The following PCDHA5 variants were observed in gnomAD, a reference collection of about 807,000 sequenced individuals.
PCDHA5 encodes the protein protocadherin alpha 5.
PCDHA5 carries 43 observed loss-of-function variants against 61.6 expected under a neutral mutation model. The ratio of observed to expected loss-of-function variants is 0.70; its 90% CI spans 0.55 to 0.90. The LOEUF (loss-of-function observed/expected upper bound fraction) is 0.90, where lower values mean the gene tolerates loss of function less well. Ranked by LOEUF, PCDHA5 falls within the 40% of genes least tolerant of loss-of-function variation. The probability of loss-of-function intolerance (pLI) is 0.00; values close to 1 mark genes in which losing one functional copy is unlikely to be tolerated. For synonymous variants in PCDHA5, 627 were observed against 543.9 expected, an observed-to-expected ratio of 1.15 and a Z score of -2.13; for missense variants, 1,298 against 1,222.7, an observed-to-expected ratio of 1.06 and a Z score of -0.92.
intron 3 of PCDHA5, among the ~76,000 whole-genome samples, chr5:140,984,583 T>C (rs2097109355): frequency 6.6e-6 from 1 of 152,200 alleles, no homozygotes; most frequent in South Asian, 2.1e-4. Context: ...AACCTAATCA[T>C]ACTTTTCAAT....
intron 1 of PCDHA5, among the ~76,000 whole-genome samples, chr5:140,907,826 C>T (rs1448630927): frequency 6.6e-6 from 1 of 152,192 alleles, no homozygotes; most frequent in Non-Finnish European, 1.5e-5. Context: ...TCATCCTATC[C>T]ACTTGTTTAT....
At position 140,823,068 on chromosome 5, in the gene PCDHA5, G is replaced by T. The variant is rs2150121914; in HGVS notation, c.1293G>T (p.Ser431=). Residue 431 remains serine, a synonymous_variant, in exon 1 of 4, where the codon TCG becomes TCT. Coordinates refer to ENST00000529859, the MANE Select transcript of PCDHA5 (RefSeq NM_018908.3). ...TGGTGACCGCGCGGGACGGGGGCTC[G>T]CCTTCGCTGTGGGCCACCGCCAGCG... ...ELVVTARDGG[S]PSLWATASVS... is the part of the protein sequence containing the mutation. 5 of 1,614,034 alleles carry T rather than the reference G, an allele frequency of 3.1e-6. No individual in the cohort carries two copies. The highest frequency in any genetic ancestry group is 1.1e-5 in the South Asian group (1 of 91,070).
At position 140,848,735 on chromosome 5, in the gene PCDHA5, G is replaced by A. The variant is rs141612292; in HGVS notation, c.2352+24608G>A. On this transcript the variant is annotated intron_variant, in intron 1 of 3. Transcript: ENST00000529859. ...GGGACCTTCTGGAGGTAAATCTGCA[G>A]AATGGCATTTTGTTTGTGAATTCTC... 5.7e-6 allele frequency: 9 copies of A among 1,592,880 alleles called. No homozygotes were observed. In the African/African-American group the frequency reaches 1.1e-4, roughly 19 times the overall value.
At chr5:140,929,400 A>G (rs915139377) in intron 1 of PCDHA5, 5 of 1,509,110 alleles carry the variant, frequency 3.3e-6, no homozygotes, top group African/African-American at 2.8e-5. Flanking sequence ...TATTTCTTAG[A>G]CAAGCCTTTC....
chr5:140,959,729 C>T (rs910806194), intron 1 of PCDHA5, among the ~76,000 whole-genome samples: 3 of 152,126 alleles, frequency 2.0e-5, no homozygotes, highest in South Asian at 4.1e-4. Context: ...ATAACATTAT[C>T]TCATCAAAAT....
At chr5:140,941,563 C>T (rs2093116700) in intron 1 of PCDHA5, among the ~76,000 whole-genome samples, 1 of 151,946 alleles carries the variant, frequency 6.6e-6, no homozygotes, top group Admixed American at 6.6e-5. Context: ...GATCCATTCG[C>T]CTCAGCCTCC....
At chr5:140,967,479 C>T (rs782390272) in intron 1 of PCDHA5, 7 of 1,613,262 alleles carry the variant, frequency 4.3e-6, no homozygotes, top group East Asian at 2.2e-5. Context: ...CCAGCCCGCT[C>T]GGGTACGGCA....
In PCDHA5 at chr5:140,876,831, T is replaced by G. The variant is rs201991889; in HGVS notation, c.2352+52704T>G. Reference sequence around the variant, plus strand: ...TGGCCGACGTGAACGACAATGCGCCTGCGTTCGCGCAGCCCGAGTACACAG... The same window carrying G: ...TGGCCGACGTGAACGACAATGCGCCGGCGTTCGCGCAGCCCGAGTACACAG... On this transcript the variant is annotated intron_variant, in intron 1 of 3. Coordinates refer to ENST00000529859, the MANE Select transcript of PCDHA5 (RefSeq NM_018908.3). 1.5e-4 allele frequency: 250 copies of G among 1,614,080 alleles called. 4 individuals are homozygous for G. In the East Asian group the frequency reaches 3.4e-3, roughly 22 times the overall value.
Position 140,968,677 on chromosome 5 carries a change from G to A in PCDHA5, c.2353-10272G>A, listed in dbSNP as rs781795184. The A allele has an allele frequency of 5.0e-6, 8 of 1,614,156 alleles. No individual in the cohort carries two copies. In the South Asian group the frequency reaches 8.8e-5, roughly 18 times the overall value. ...ACCTGGACCTCTTTAAGGTAGAGCTGCACACAGGAGAAATTAGGACTACCA... is the reference window on the plus strand; with the variant it reads ...ACCTGGACCTCTTTAAGGTAGAGCTACACACAGGAGAAATTAGGACTACCA... On this transcript the variant is annotated intron_variant, in intron 1 of 3. Coordinates refer to ENST00000529859, the MANE Select transcript of PCDHA5 (RefSeq NM_018908.3).
rs2150124582 is a variant in PCDHA5 at position 140,823,311 on chromosome 5, G to T, written c.1536G>T (p.Glu512Asp). ...CGAGTTACGTTTCGGTGCACGCGGA[G>T]AGCGGCAAGGTGTACGCGCTGCAGC... ...PLSSYVSVHA[E>D]SGKVYALQPL... Residue 512 changes from glutamate to aspartate, a missense_variant, in exon 1 of 4, where the codon GAG (glutamate) becomes GAT (aspartate). By Grantham distance (45) the Glu-to-Asp change is conservative. Coordinates refer to ENST00000529859, the MANE Select transcript of PCDHA5 (RefSeq NM_018908.3). 6.2e-7 allele frequency: 1 copy of T among 1,612,350 alleles called. No homozygotes were observed. The highest frequency in any genetic ancestry group is 1.1e-5 in the South Asian group (1 of 91,014).
At chr5:140,981,186 T>G (rs1307228709) in intron 2 of PCDHA5, among the ~76,000 whole-genome samples, 1 of 152,234 alleles carries the variant, frequency 6.6e-6, no homozygotes, top group Non-Finnish European at 1.5e-5. Flanking sequence ...AGTTCAAGTT[T>G]GCCTGCTCTG....
intron 1 of PCDHA5, among the ~76,000 whole-genome samples, chr5:140,890,244 C>T (rs1404459938): frequency 6.6e-6 from 1 of 152,052 alleles, no homozygotes; most frequent in Non-Finnish European, 1.5e-5. Flanking sequence ...TTTACCAGTA[C>T]ACTACTGCAC....
rs375261398 is a variant in PCDHA5 at position 140,910,786 on chromosome 5, A to G, written c.2353-68163A>G. On this transcript the variant is annotated intron_variant, in intron 1 of 3. Transcript: ENST00000529859. ...TAAACTCCCCAAGCTGCAACATTAA[A>G]TGCAGAATCCCTGCTTAGTGGGCCC... is the stretch of plus-strand genomic sequence containing the variant. 2.6e-3 allele frequency among the ~76,000 whole-genome samples: 391 copies of G among 152,326 alleles called. 2 individuals are homozygous for G. Among genetic ancestry groups the G allele is most frequent in the African/African-American group, 9.1e-3 (380 of 41,560 alleles).
intron 1 of PCDHA5, chr5:140,830,858 A>G (rs1554133040): frequency 6.5e-6 from 1 of 153,326 alleles, no homozygotes; most frequent in African/African-American, 2.4e-5. Context: ...CTCTTTTTTG[A>G]TCATATATTG....
chr5:140,906,999 G>C (rs187849442), intron 1 of PCDHA5, among the ~76,000 whole-genome samples: 1 of 152,088 alleles, frequency 6.6e-6, no homozygotes, highest in Non-Finnish European at 1.5e-5. Flanking sequence ...TCCTCCCTCT[G>C]GAACTAAGAC....
At chr5:140,831,061 C>T (rs1771357408) in intron 1 of PCDHA5, 1 of 152,162 alleles carries the variant, frequency 6.6e-6, no homozygotes, top group Non-Finnish European at 1.5e-5. Context: ...TATTGTCCCC[C>T]TTTTAAACCA....
At chr5:140,851,288 A>C in intron 1 of PCDHA5, 1 of 1,036,248 alleles carries the variant, frequency 9.7e-7, no homozygotes, top group Non-Finnish European at 1.2e-6. Context: ...TAAGAAACCC[A>C]AGCAAAAATA....
intron 3 of PCDHA5, among the ~76,000 whole-genome samples, chr5:140,991,824 A>T (rs1326935155): frequency 1.3e-5 from 2 of 152,240 alleles, no homozygotes; most frequent in Non-Finnish European, 2.9e-5. Context: ...TTAGGCATTT[A>T]TAACGGCAGA....
rs1354913404 is a variant in PCDHA5 at position 140,858,709 on chromosome 5, A to G, written c.2352+34582A>G. 5 of 545,256 alleles carry G rather than the reference A, an allele frequency of 9.2e-6. 1 individual carries two copies. The African/African-American group carries it at 9.7e-5, about 11-fold the overall frequency. The allele number at this position is 545,256 out of a possible 1,614,324, so 33.8% of individuals were successfully genotyped here. A position where few individuals can be genotyped will look rare whatever the true frequency, so the allele number is the denominator to read the frequency against. ...ATATTTTCCAATACAAATATGTGATATAGGTTGCAGTTCTGACGATTTACT... is the reference window on the plus strand; with the variant it reads ...ATATTTTCCAATACAAATATGTGATGTAGGTTGCAGTTCTGACGATTTACT... On this transcript the variant is annotated intron_variant, in intron 1 of 3. Transcript: ENST00000529859.
Sources: gnomAD v4.1 joint callset for allele counts (sites outside exome capture counted in the v4.1 genomes callset) on GRCh38, gnomAD v4.1.1 for gene constraint, MANE v1.5 for transcripts, NCBI Gene and HGNC (gene_info 2026-07-23, HGNC 2026-07-21) for gene names.